The following REDIC1 variants were observed in gnomAD, a reference collection of about 807,000 sequenced individuals.
The protein encoded by REDIC1 is regulator of DNA class I crossover intermediates 1.
At chr12:39,900,625 T>C in the REDIC1 span, among the ~76,000 whole-genome samples, 2 of 152,048 alleles carry the variant, frequency 1.3e-5, no homozygotes, top group Non-Finnish European at 2.9e-5. Flanking sequence ...GGAATCCAAC[T>C]TACAAGGGAC....
At chr12:39,797,784 A>G in the REDIC1 span, among the ~76,000 whole-genome samples, 1 of 151,784 alleles carries the variant, frequency 6.6e-6, no homozygotes, top group Non-Finnish European at 1.5e-5. Context: ...ACATACACGG[A>G]TGCATACTGA....
At chr12:39,703,175 A>G in the REDIC1 span, among the ~76,000 whole-genome samples, 3 of 151,992 alleles carry the variant, frequency 2.0e-5, no homozygotes, top group African/African-American at 7.3e-5. Flanking sequence ...GACTGCATAT[A>G]TAGACAACCC....
At chr12:39,631,023 C>G in the REDIC1 span, among the ~76,000 whole-genome samples, 1 of 151,940 alleles carries the variant, frequency 6.6e-6, no homozygotes, top group East Asian at 1.9e-4. Context: ...TCAGTAGCTG[C>G]GATTACAGGA....
the REDIC1 span, among the ~76,000 whole-genome samples, chr12:39,813,615 G>A: frequency 6.6e-6 from 1 of 152,024 alleles, no homozygotes; most frequent in Non-Finnish European, 1.5e-5. Flanking sequence ...CACTTTCCTG[G>A]TTGTCTTTAA....
chr12:39,651,476 G>T, the REDIC1 span, among the ~76,000 whole-genome samples: 5 of 152,110 alleles, frequency 3.3e-5, no homozygotes, highest in Admixed American at 6.6e-5. Context: ...CCTTATTTTG[G>T]TAAATGGCAC....
the REDIC1 span, among the ~76,000 whole-genome samples, chr12:39,711,725 A>ATGTATG: frequency 7.3e-5 from 1 of 13,606 alleles, no homozygotes; most frequent in Non-Finnish European, 2.5e-4. Context: ...GTGTATGCAC[A>ATGTATG]TGCATGTGTG....
At chr12:39,765,006 G>A in the REDIC1 span, 2 of 890,884 alleles carry the variant, frequency 2.2e-6, no homozygotes, top group East Asian at 5.5e-5. Context: ...TAAATATACA[G>A]TATTAGATAT....
the REDIC1 span, among the ~76,000 whole-genome samples, chr12:39,669,154 C>T: frequency 6.6e-6 from 1 of 152,150 alleles, no homozygotes; most frequent in African/African-American, 2.4e-5. Flanking sequence ...TCCAGTTTTT[C>T]TGCTCCGTTT....
At chr12:39,837,938 C>A in the REDIC1 span, among the ~76,000 whole-genome samples, 1 of 150,970 alleles carries the variant, frequency 6.6e-6, no homozygotes, top group Non-Finnish European at 1.5e-5. Flanking sequence ...TGTGGCGATT[C>A]CTCAGGGATC....
chr12:39,759,987 C>A, the REDIC1 span: 13 of 1,512,702 alleles, frequency 8.6e-6, no homozygotes, highest in Non-Finnish European at 1.2e-5. Flanking sequence ...CTTCTCCCCC[C>A]AGTTTGTTTA....
chr12:39,788,724 T>C, the REDIC1 span: 1 of 152,130 alleles, frequency 6.6e-6, no homozygotes, highest in South Asian at 2.1e-4. Flanking sequence ...AGCTTGCATG[T>C]TCAGGTCTGT....
the REDIC1 span, chr12:39,819,789 G>A: frequency 6.6e-6 from 1 of 152,524 alleles, no homozygotes; most frequent in African/African-American, 2.4e-5. Context: ...AAGGATAAAT[G>A]CTCCTTTCAA....
chr12:39,655,918 G>C, the REDIC1 span, among the ~76,000 whole-genome samples: 2 of 152,124 alleles, frequency 1.3e-5, no homozygotes, highest in East Asian at 3.9e-4. Flanking sequence ...ATTGCATTTT[G>C]GGGGAGAGTA....
At chr12:39,626,340 A>C in the REDIC1 span, 4 of 1,613,970 alleles carry the variant, frequency 2.5e-6, no homozygotes, top group African/African-American at 5.3e-5. Flanking sequence ...TGGGAAGATG[A>C]ATTGGGTCGG....
the REDIC1 span, among the ~76,000 whole-genome samples, chr12:39,796,695 T>C: frequency 1.3e-5 from 2 of 152,136 alleles, no homozygotes; most frequent in Non-Finnish European, 2.9e-5. Flanking sequence ...TAGAATATAA[T>C]ATGATTGAAA....
chr12:39,675,900 A>T, the REDIC1 span, among the ~76,000 whole-genome samples: 1 of 152,008 alleles, frequency 6.6e-6, no homozygotes. Flanking sequence ...GGGAACAGGG[A>T]GAGCACCACA....
the REDIC1 span, among the ~76,000 whole-genome samples, chr12:39,896,451 T>C: frequency 3.6e-4 from 49 of 136,322 alleles, no homozygotes; most frequent in African/African-American, 1.3e-3. Context: ...TATGTATATG[T>C]GTGTATATAT....
the REDIC1 span, among the ~76,000 whole-genome samples, chr12:39,812,860 A>T: frequency 7.3e-6 from 1 of 136,996 alleles, no homozygotes. Context: ...TTTGAGATAG[A>T]GTCTCACTCT....
the REDIC1 span, among the ~76,000 whole-genome samples, chr12:39,649,966 T>C: frequency 6.6e-6 from 1 of 152,000 alleles, no homozygotes; most frequent in Non-Finnish European, 1.5e-5. Flanking sequence ...TTTTTGTTTT[T>C]TTATTTTTTA....
Sources: gnomAD v4.1 joint callset for allele counts (sites outside exome capture counted in the v4.1 genomes callset) on GRCh38, gnomAD v4.1.1 for gene constraint, MANE v1.5 for transcripts, NCBI Gene and HGNC (gene_info 2026-07-23, HGNC 2026-07-21) for gene names.